Variants in NEK1 observed in about 807,000 individuals in gnomAD.
NEK1 encodes the protein serine/threonine-protein kinase Nek1.
In NEK1, 137 loss-of-function variants were observed where a neutral mutation model predicts 182.1. The observed-to-expected ratio is 0.75, with a 90% CI of 0.65 to 0.87. The LOEUF is 0.87. Ranked by LOEUF, NEK1 falls within the 40% of genes least tolerant of loss-of-function variation. The pLI, the probability that NEK1 is intolerant of heterozygous loss-of-function variation, is 0.00. For synonymous variants in NEK1, 513 were observed against 492.2 expected, an observed-to-expected ratio of 1.04 and a Z score of -0.56; for missense variants, 1,391 against 1,494.4, an observed-to-expected ratio of 0.93 and a Z score of 1.14.
chr4:169,467,507 T>G (rs967986203), intron 26 of NEK1, among the ~76,000 whole-genome samples: 3 of 151,626 alleles, frequency 2.0e-5, no homozygotes, highest in Non-Finnish European at 2.9e-5. Flanking sequence ...AATGGAATAA[T>G]AAAAAATAAC....
At chr4:169,535,147 C>G (rs1386488574) in intron 19 of NEK1, among the ~76,000 whole-genome samples, 1 of 151,818 alleles carries the variant, frequency 6.6e-6, no homozygotes, top group African/African-American at 2.4e-5. Context: ...TGGTGAAACC[C>G]CATCTCTACT....
chr4:169,523,420 C>A (rs1273528641), intron 19 of NEK1, among the ~76,000 whole-genome samples: 1 of 152,166 alleles, frequency 6.6e-6, no homozygotes, highest in Non-Finnish European at 1.5e-5. Flanking sequence ...CAGACTCACA[C>A]ACAGCAAGAA....
At chr4:169,577,795 TCA>T (rs1192888752) in intron 11 of NEK1, among the ~76,000 whole-genome samples, 14 of 151,924 alleles carry the variant, frequency 9.2e-5, no homozygotes, top group Admixed American at 8.5e-4. Flanking sequence ...TTTAAAAAAT[TCA>T]CATTTTAGAA....
chr4:169,452,820 G>C lies in NEK1; in HGVS notation c.2587+10423C>G, dbSNP rs376063567. On this transcript the variant is annotated intron_variant, in intron 27 of 35. Coordinates refer to ENST00000507142, the MANE Select transcript of NEK1 (RefSeq NM_001199397.3). The stretch of plus-strand genomic sequence containing the variant: ...TGTTGGAAGTTCTGGCCAGGGCAAT[G>C]AGGCAAGAGAAAGAAATAAAGAGTA... 3.2e-4 allele frequency among the ~76,000 whole-genome samples: 49 copies of C among 152,144 alleles called. 1 individual carries two copies. Among genetic ancestry groups the C allele is most frequent in the East Asian group, 1.9e-4 (1 of 5,192 alleles).
intron 26 of NEK1, among the ~76,000 whole-genome samples, chr4:169,474,462 C>G (rs1231012788): frequency 1.3e-5 from 2 of 152,206 alleles, no homozygotes; most frequent in African/African-American, 4.8e-5. Flanking sequence ...CGCAGTTCAG[C>G]TTCTTGAAAA....
chr4:169,424,348 A>G (rs1427991874), intron 31 of NEK1, among the ~76,000 whole-genome samples: 1 of 152,180 alleles, frequency 6.6e-6, no homozygotes, highest in Non-Finnish European at 1.5e-5. Context: ...TATAAAAAAA[A>G]TCCTGAACAG....
Position 169,479,673 on chromosome 4 carries a change from C to CTAT in NEK1, c.2008-140_2008-139insATA, listed in dbSNP as rs144585201. 1.6e-3 allele frequency: 1,062 copies of CTAT among 674,662 alleles called. 9 individuals carry two copies. In the African/African-American group the frequency reaches 0.018, roughly 11 times the overall value. The allele number at this position is 674,662 out of a possible 1,614,324, so 41.8% of individuals were successfully genotyped here. A position where few individuals can be genotyped will look rare whatever the true frequency, so the allele number is the denominator to read the frequency against. On this transcript the variant is annotated intron_variant, in intron 23 of 35. Transcript: ENST00000507142. The stretch of plus-strand genomic sequence containing the variant: ...TTCCTGAATTATCTGTTGAGCAAGG[C>CTAT]ATTATGATGCTACATGCTGGGGATA...
chr4:169,588,582 G>T (rs2150083165), intron 8 of NEK1, 67 bp downstream of exon 8: 5 of 875,208 alleles, frequency 5.7e-6, no homozygotes, highest in Middle Eastern at 4.4e-4. Flanking sequence ...TATTCCAAAG[G>T]TTAATAAACA....
intron 23 of NEK1, among the ~76,000 whole-genome samples, chr4:169,486,385 A>C (rs921500771): frequency 6.6e-6 from 1 of 152,226 alleles, no homozygotes; most frequent in African/African-American, 2.4e-5. Flanking sequence ...GGCGAGGCTT[A>C]CAAACACATG....
Position 169,508,257 on chromosome 4 carries a change from A to G in NEK1, c.1824T>C (p.Arg608=), listed in dbSNP as rs756141648. The change falls in exon 21 of 36, where the codon CGT becomes CGC. Residue 608 remains arginine, a synonymous_variant. Coordinates refer to ENST00000507142, the MANE Select transcript of NEK1 (RefSeq NM_001199397.3). ...TAGCTTTTCAACCTACCTTTTCACC[A>G]CGAAGTTTGGCTTTAATCTGTTGGC... ...NERQQIKAKL[R]GEKKEANHSE... 2.5e-6 allele frequency: 4 copies of G among 1,588,542 alleles called. No individual in the cohort carries two copies. In the South Asian group the frequency reaches 4.7e-5, roughly 19 times the overall value.
intron 31 of NEK1, among the ~76,000 whole-genome samples, chr4:169,408,012 G>A (rs1261198251): frequency 1.3e-5 from 2 of 152,060 alleles, no homozygotes; most frequent in African/African-American, 2.4e-5. Context: ...CCCACTGTCT[G>A]TAGAATTCAC....
At chr4:169,498,067 T>G (rs1305542327) in intron 23 of NEK1, among the ~76,000 whole-genome samples, 1 of 152,218 alleles carries the variant, frequency 6.6e-6, no homozygotes, top group African/African-American at 2.4e-5. Flanking sequence ...CTCTAAGGAC[T>G]TGCTTTATGA....
chr4:169,510,720 A>G (rs1447816175), intron 19 of NEK1, among the ~76,000 whole-genome samples: 1 of 152,150 alleles, frequency 6.6e-6, no homozygotes, highest in East Asian at 1.9e-4. Flanking sequence ...GCCATTTGTG[A>G]TCTCGCCATT....
intron 19 of NEK1, 45 bp downstream of exon 19, chr4:169,537,764 G>A (rs372747785): frequency 1.7e-5 from 24 of 1,395,022 alleles, no homozygotes; most frequent in Middle Eastern, 1.8e-4. Flanking sequence ...CCTTCACTTG[G>A]AATACTAATA....
At chr4:169,478,873 G>A (rs891361916) in intron 24 of NEK1, among the ~76,000 whole-genome samples, 3 of 152,188 alleles carry the variant, frequency 2.0e-5, no homozygotes, top group Non-Finnish European at 2.9e-5. Flanking sequence ...CTTTTTATTT[G>A]TCTATGTTTC....
At chr4:169,424,519 T>G in intron 31 of NEK1, 34 bp downstream of exon 31, 1 of 1,523,594 alleles carries the variant, frequency 6.6e-7, no homozygotes, top group South Asian at 1.3e-5. Context: ...TGTTATCGAA[T>G]GGATAATATT....
intron 31 of NEK1, among the ~76,000 whole-genome samples, chr4:169,420,750 A>C (rs976406881): frequency 1.3e-5 from 2 of 152,226 alleles, no homozygotes; most frequent in Non-Finnish European, 2.9e-5. Context: ...TAGAGATAAA[A>C]TAAGGTGCTA....
intron 27 of NEK1, among the ~76,000 whole-genome samples, chr4:169,452,017 T>C (rs1214650256): frequency 1.3e-5 from 2 of 152,170 alleles, no homozygotes; most frequent in Non-Finnish European, 2.9e-5. Flanking sequence ...TCTATGCAGA[T>C]AAACTAGAAA....
intron 16 of NEK1, among the ~76,000 whole-genome samples, chr4:169,559,444 G>A (rs993343966): frequency 6.6e-6 from 1 of 152,062 alleles, no homozygotes; most frequent in African/African-American, 2.4e-5. Context: ...TAAAAACACT[G>A]TATAATCTAT....
Sources: allele counts gnomAD v4.1 joint callset (sites outside exome capture counted in the v4.1 genomes callset), GRCh38; gene constraint gnomAD v4.1.1; transcripts MANE v1.5; gene names NCBI Gene and HGNC (gene_info 2026-07-23, HGNC 2026-07-21).